Variants in UQCC2 observed in about 807,000 individuals in gnomAD.
UQCC2 encodes the protein ubiquinol-cytochrome c reductase complex assembly factor 2.
UQCC2 carries 21 observed loss-of-function variants against 19.9 expected under a neutral mutation model. The ratio of observed to expected loss-of-function variants is 1.05; its 90% CI spans 0.75 to 1.52. The LOEUF is 1.52. Ranked by LOEUF, UQCC2 falls within the 40% of genes most tolerant of loss-of-function variation. The probability of loss-of-function intolerance (pLI) is 0.00; values close to 1 mark genes in which losing one functional copy is unlikely to be tolerated. For missense variants in UQCC2, 135 were observed against 157.5 expected (o/e 0.86, Z 0.76); for synonymous variants, 57 against 60.9 (o/e 0.94, Z 0.30).
Position 33,698,100 on chromosome 6 carries a change from G to A in UQCC2, c.284-350C>T, listed in dbSNP as rs183298799. On this transcript the variant is annotated intron_variant, in intron 3 of 3. Coordinates refer to ENST00000607484, the MANE Select transcript of UQCC2 (RefSeq NM_032340.4). ...CGCTGTGCAACCCACAGACCCAGAT[G>A]CTTCATCGCAAAATTTGGCCTGCTC... is the stretch of plus-strand genomic sequence containing the variant. 1.8e-4 allele frequency: 37 copies of A among 201,424 alleles called. 1 individual carries two copies. The East Asian group carries it at 3.0e-3, about 17-fold the overall frequency. 12.5% of individuals were successfully genotyped at this position (201,424 alleles called of 1,614,324 possible). A position where few individuals can be genotyped will look rare whatever the true frequency, so the allele number is the denominator to read the frequency against.
At chr6:33,701,479 T>C (rs1037503488) in intron 1 of UQCC2, 59 bp from the exon 2 acceptor site, 3 of 1,541,842 alleles carry the variant, frequency 1.9e-6, no homozygotes, top group African/African-American at 2.8e-5. Context: ...CCACAGTGTC[T>C]GTACCTTGAG....
intron 1 of UQCC2, among the ~76,000 whole-genome samples, chr6:33,706,990 A>G (rs1316070247): frequency 1.3e-5 from 2 of 152,240 alleles, no homozygotes; most frequent in Non-Finnish European, 2.9e-5. Flanking sequence ...CAGGTCTCAC[A>G]AAGTTGCCTG....
intron 1 of UQCC2, among the ~76,000 whole-genome samples, chr6:33,706,385 G>T (rs1195590884): frequency 6.6e-6 from 1 of 152,190 alleles, no homozygotes; most frequent in East Asian, 1.9e-4. Flanking sequence ...GGACGGTGAG[G>T]GGCCACAAAG....
intron 1 of UQCC2, among the ~76,000 whole-genome samples, chr6:33,710,674 A>T (rs1262884442): frequency 6.6e-6 from 1 of 152,180 alleles, no homozygotes; most frequent in Admixed American, 6.5e-5. Context: ...CACAGTACTT[A>T]TCTGTCTTAC....
intron 1 of UQCC2, among the ~76,000 whole-genome samples, chr6:33,706,478 C>T (rs902771755): frequency 4.6e-5 from 7 of 152,270 alleles, no homozygotes; most frequent in Admixed American, 1.3e-4. Flanking sequence ...CAACCCTGCC[C>T]GGGGCAATGT....
intron 3 of UQCC2, 60 bp from the exon 4 acceptor site, chr6:33,697,810 T>C (rs998350329): frequency 1.4e-6 from 2 of 1,410,852 alleles, no homozygotes; most frequent in East Asian, 2.3e-5. Context: ...ATGACATAGA[T>C]TGGACCCACT....
intron 1 of UQCC2, among the ~76,000 whole-genome samples, chr6:33,708,594 T>C (rs1765727818): frequency 6.6e-6 from 1 of 152,172 alleles, no homozygotes; most frequent in Admixed American, 6.5e-5. Flanking sequence ...AAAGACGGCA[T>C]GAGCAGAGCT....
chr6:33,707,056 C>T (rs1008056086), intron 1 of UQCC2, among the ~76,000 whole-genome samples: 2 of 152,218 alleles, frequency 1.3e-5, no homozygotes, highest in Admixed American at 6.5e-5. Context: ...AAAGTAGTGA[C>T]CCACCAGAAG....
Position 33,697,399 on chromosome 6 carries a change from AT to A in UQCC2, c.*253del. 1 of 406,270 alleles carries A rather than the reference AT, an allele frequency of 2.5e-6. No individual in the cohort carries two copies. Among genetic ancestry groups the A allele is most frequent in the Non-Finnish European group, 4.3e-6 (1 of 229,938 alleles). 25.2% of individuals were successfully genotyped at this position (406,270 alleles called of 1,614,324 possible). A position where few individuals can be genotyped will look rare whatever the true frequency, so the allele number is the denominator to read the frequency against. ...CTTGTGCCGAGGCCCCATTACCCTC[AT>A]CAGGCCCAGAGGGAAACCTGCATTT... On this transcript the variant is annotated 3_prime_UTR_variant, in exon 4 of 4. Coordinates refer to ENST00000607484, the MANE Select transcript of UQCC2 (RefSeq NM_032340.4).
intron 1 of UQCC2, 75 bp downstream of exon 1, chr6:33,711,474 T>G: frequency 2.0e-6 from 3 of 1,508,856 alleles, no homozygotes; most frequent in South Asian, 2.6e-5. Context: ...CAGATCCCCC[T>G]GCTAGCGCGC....
At chr6:33,706,340 T>C (rs1765697443) in intron 1 of UQCC2, among the ~76,000 whole-genome samples, 1 of 152,230 alleles carries the variant, frequency 6.6e-6, no homozygotes. Flanking sequence ...AATGTATTTC[T>C]TGAGCACCTA....
At chr6:33,707,947 C>G (rs1582183706) in intron 1 of UQCC2, among the ~76,000 whole-genome samples, 1 of 152,362 alleles carries the variant, frequency 6.6e-6, no homozygotes, top group Non-Finnish European at 1.5e-5. Flanking sequence ...CACCACCTCC[C>G]CACTTGGTGG....
chr6:33,699,341 C>T (rs566880500), intron 3 of UQCC2, among the ~76,000 whole-genome samples: 2 of 152,328 alleles, frequency 1.3e-5, no homozygotes, highest in African/African-American at 2.4e-5. Context: ...GACTATCTCC[C>T]AGCCTTCGTT....
At chr6:33,698,109 C>CA (rs1462246021) in intron 3 of UQCC2, 1 of 197,554 alleles carries the variant, frequency 5.1e-6, no homozygotes, top group African/African-American at 2.3e-5. Context: ...TGCTTCATCG[C>CA]AAAATTTGGC....
intron 1 of UQCC2, among the ~76,000 whole-genome samples, chr6:33,703,225 C>T (rs1032830412): frequency 6.6e-5 from 10 of 152,168 alleles, no homozygotes; most frequent in African/African-American, 9.7e-5. Context: ...AGTGCAATGG[C>T]GTGATCTCGG....
chr6:33,704,786 C>G (rs1048708525), intron 1 of UQCC2, among the ~76,000 whole-genome samples: 1 of 152,158 alleles, frequency 6.6e-6, no homozygotes, highest in Non-Finnish European at 1.5e-5. Context: ...AAGTTCCCTT[C>G]CTGCTCCAAC....
At chr6:33,702,447 A>G (rs1765652534) in intron 1 of UQCC2, among the ~76,000 whole-genome samples, 1 of 152,224 alleles carries the variant, frequency 6.6e-6, no homozygotes, top group African/African-American at 2.4e-5. Flanking sequence ...TAAAATGTGT[A>G]AACTGAGGAG....
chr6:33,696,927 G>A lies in UQCC2; in HGVS notation c.*726C>T, dbSNP rs1021713780. On this transcript the variant is annotated 3_prime_UTR_variant, in exon 4 of 4. Transcript: ENST00000607484. ...CCAGAGAGAAGGATGCTCAATATCA[G>A]TAAGAGCCAAGGTTCCATGGAATAA... 1 of 152,310 alleles carries A rather than the reference G, an allele frequency of 6.6e-6. No homozygotes were observed. Among genetic ancestry groups the A allele is most frequent in the Non-Finnish European group, 1.5e-5 (1 of 68,084 alleles). The allele number at this position is 152,310 out of a possible 1,614,324, so 9.4% of individuals were successfully genotyped here.
intron 1 of UQCC2, among the ~76,000 whole-genome samples, chr6:33,702,770 G>A (rs1765656116): frequency 6.6e-6 from 1 of 152,196 alleles, no homozygotes; most frequent in African/African-American, 2.4e-5. Flanking sequence ...GAATTCAAAT[G>A]ATGGATTTTT....
Sources: gnomAD v4.1 joint callset for allele counts (sites outside exome capture counted in the v4.1 genomes callset) on GRCh38, gnomAD v4.1.1 for gene constraint, MANE v1.5 for transcripts, NCBI Gene and HGNC (gene_info 2026-07-23, HGNC 2026-07-21) for gene names.